The following TMC1 variants were observed in gnomAD, a reference collection of about 807,000 sequenced individuals.
The protein encoded by TMC1 is transmembrane channel-like protein 1.
Under a neutral mutation model 105.8 loss-of-function variants are expected in TMC1, and 84 were observed. The observed-to-expected ratio is 0.79, with a 90% CI of 0.67 to 0.95. The LOEUF (loss-of-function observed/expected upper bound fraction) is 0.95, where lower values mean the gene tolerates loss of function less well. TMC1 is among the 40% of genes least tolerant of loss of function. TMC1 has a pLI of 0.00. For synonymous variants in TMC1, 315 were observed against 311.5 expected, an observed-to-expected ratio of 1.01 and a Z score of -0.12; for missense variants, 817 against 914.1, an observed-to-expected ratio of 0.89 and a Z score of 1.37.
intron 1 of TMC1, among the ~76,000 whole-genome samples, chr9:72,532,695 C>A (rs563142062): frequency 4.0e-5 from 6 of 150,546 alleles, no homozygotes; most frequent in Non-Finnish European, 7.4e-5. Flanking sequence ...TGATTTGGGG[C>A]TGTGATGATT....
chr9:72,528,578 C>T (rs930537300), intron 1 of TMC1, among the ~76,000 whole-genome samples: 2 of 152,086 alleles, frequency 1.3e-5, no homozygotes, highest in Admixed American at 1.3e-4. Context: ...AGGTGATCCA[C>T]CCGCCTCGGC....
At chr9:72,660,947 G>A (rs918416133) in intron 5 of TMC1, among the ~76,000 whole-genome samples, 3 of 152,050 alleles carry the variant, frequency 2.0e-5, no homozygotes, top group Non-Finnish European at 2.9e-5. Context: ...TCAGGAGATC[G>A]AGACCATCCT....
At chr9:72,623,956 A>G (rs112258569) in intron 3 of TMC1, among the ~76,000 whole-genome samples, 1 of 152,254 alleles carries the variant, frequency 6.6e-6, no homozygotes, top group African/African-American at 2.4e-5. Context: ...GGATGGTGGT[A>G]CTGGTAGAGG....
chr9:72,811,365 A>G (rs1237846322), intron 18 of TMC1, among the ~76,000 whole-genome samples: 1 of 152,150 alleles, frequency 6.6e-6, no homozygotes, highest in Non-Finnish European at 1.5e-5. Flanking sequence ...AGTTAATGTA[A>G]TGTAAGTTAA....
intron 1 of TMC1, among the ~76,000 whole-genome samples, chr9:72,566,276 T>C (rs1824150894): frequency 6.6e-6 from 1 of 152,208 alleles, no homozygotes; most frequent in Admixed American, 6.5e-5. Context: ...CCTTAAGTGA[T>C]CCTCTGGCTT....
chr9:72,732,455 C>T (rs1201565373), intron 8 of TMC1, among the ~76,000 whole-genome samples: 1 of 151,276 alleles, frequency 6.6e-6, no homozygotes, highest in East Asian at 1.9e-4. Flanking sequence ...GTCTTAGCTA[C>T]TTGGGAGGCT....
In TMC1 at chr9:72,706,766, T is replaced by TTTTC. The variant is rs1328849646; in HGVS notation, c.362+6135_362+6138dup. On this transcript the variant is annotated intron_variant, in intron 8 of 23. Transcript: ENST00000297784. ...AATGCCAATATTTCTTTCTTTTTCT[T>TTTTC]TTTCTTTCTTTCTTTTTTTTTTTTT... Among the ~76,000 whole-genome samples the TTTTC allele has an allele frequency of 6.6e-5, 10 of 151,686 alleles. No homozygotes were observed. In the East Asian group the frequency reaches 1.9e-3, roughly 29 times the overall value.
At chr9:72,678,801 A>G (rs1826244921) in intron 5 of TMC1, among the ~76,000 whole-genome samples, 1 of 152,074 alleles carries the variant, frequency 6.6e-6, no homozygotes, top group African/African-American at 2.4e-5. Context: ...AGACAATTAG[A>G]AATCTCTGAT....
chr9:72,802,140 C>G (rs1828483531), intron 17 of TMC1, among the ~76,000 whole-genome samples: 2 of 152,074 alleles, frequency 1.3e-5, no homozygotes, highest in Admixed American at 1.3e-4. Flanking sequence ...TGTCTGTAGT[C>G]CCAGCTACTC....
Position 72,754,768 on chromosome 9 carries a change from C to T in TMC1, c.643-18C>T. On this transcript the variant is annotated intron_variant, in intron 11 of 23. Coordinates refer to ENST00000297784, the MANE Select transcript of TMC1 (RefSeq NM_138691.3). ...TTTGTTTCTAATTGTTCACTGCTTT[C>T]TTTGCTTCTTCATACAGTACCTCTG... The T allele has an allele frequency of 1.3e-6, 2 of 1,589,588 alleles. No homozygotes were observed. The highest frequency in any genetic ancestry group is 1.7e-6 in the Non-Finnish European group (2 of 1,157,780).
intron 7 of TMC1, 84 bp from the exon 8 acceptor site, chr9:72,700,434 T>C: frequency 8.2e-7 from 1 of 1,213,786 alleles, no homozygotes; most frequent in Non-Finnish European, 1.1e-6. Context: ...AAAAATGAGC[T>C]AAATATCTGA....
chr9:72,653,696 A>G (rs897271137), intron 5 of TMC1, among the ~76,000 whole-genome samples: 1 of 152,170 alleles, frequency 6.6e-6, no homozygotes, highest in Non-Finnish European at 1.5e-5. Flanking sequence ...CATTATAAAA[A>G]TCATGATAAA....
chr9:72,593,713 T>TA (rs929307604), intron 2 of TMC1, among the ~76,000 whole-genome samples: 65 of 145,830 alleles, frequency 4.5e-4, no homozygotes, highest in Admixed American at 1.2e-3. Flanking sequence ...ATTTCTATTT[T>TA]AAAAAAAAAA....
chr9:72,622,880 A>G (rs955497792), intron 3 of TMC1, among the ~76,000 whole-genome samples: 1 of 151,632 alleles, frequency 6.6e-6, no homozygotes, highest in East Asian at 1.9e-4. Flanking sequence ...GTGAAACCCC[A>G]TCTCTACTCA....
intron 1 of TMC1, among the ~76,000 whole-genome samples, chr9:72,560,700 G>A (rs1024915586): frequency 4.0e-5 from 6 of 151,632 alleles, no homozygotes; most frequent in African/African-American, 9.7e-5. Flanking sequence ...GGGTTTTACC[G>A]TGTTAGCCAG....
Position 72,792,192 on chromosome 9 carries a change from T to C in TMC1, c.1406T>C (p.Ile469Thr), listed in dbSNP as rs1828282808. The C allele has an allele frequency of 6.2e-7, 1 of 1,614,162 alleles. No individual in the cohort carries two copies. Among genetic ancestry groups the C allele is most frequent in the East Asian group, 2.2e-5 (1 of 44,878 alleles). The change falls in exon 17 of 24, where the codon ATT (isoleucine) becomes ACT (threonine). Residue 469 changes from isoleucine (I) to threonine (T), a missense_variant and splice_region_variant. Transcript: ENST00000297784. ...LALMDEINNK[I>T]EEEKLVKANI... ...AGTTTCTATCTCTTTGCTTTCTAGA[T>C]TGAAGAGGAGAAGCTAGTAAAGGCC... is the stretch of plus-strand genomic sequence containing the variant.
chr9:72,645,876 A>G (rs1825703387), intron 4 of TMC1, among the ~76,000 whole-genome samples: 1 of 152,196 alleles, frequency 6.6e-6, no homozygotes, highest in Admixed American at 6.5e-5. Context: ...TTCAATTCCC[A>G]GGGTCTTCAT....
chr9:72,767,814 G>A (rs1340921064), intron 12 of TMC1, among the ~76,000 whole-genome samples: 5 of 152,130 alleles, frequency 3.3e-5, no homozygotes, highest in Admixed American at 1.3e-4. Context: ...TGCTGATATC[G>A]AAATTGAATA....
intron 12 of TMC1, among the ~76,000 whole-genome samples, chr9:72,762,847 TG>T (rs1004211928): frequency 4.6e-5 from 7 of 152,182 alleles, no homozygotes; most frequent in African/African-American, 1.7e-4. Context: ...ATGTCCAGTG[TG>T]GGTCTCTTTG....
Sources: allele counts gnomAD v4.1 joint callset (sites outside exome capture counted in the v4.1 genomes callset), GRCh38; gene constraint gnomAD v4.1.1; transcripts MANE v1.5; gene names NCBI Gene and HGNC (gene_info 2026-07-23, HGNC 2026-07-21).